The following KALRN variants were observed in gnomAD, a reference collection of about 807,000 sequenced individuals.
The protein encoded by KALRN is kalirin.
KALRN carries 70 observed loss-of-function variants against 353.7 expected under a neutral mutation model. The observed-to-expected ratio is 0.20, with a 90% CI of 0.16 to 0.24. KALRN has a LOEUF of 0.24. Among genes scored for constraint, KALRN ranks in the 10% least tolerant of loss-of-function variants. KALRN has a pLI of 1.00. For missense variants in KALRN, 2,791 were observed against 3,756.7 expected, an observed-to-expected ratio of 0.74 and a Z score of 6.72; for synonymous variants, 1,391 against 1,434.8, an observed-to-expected ratio of 0.97 and a Z score of 0.69.
intron 4 of KALRN, among the ~76,000 whole-genome samples, chr3:124,264,922 G>A (rs2073323367): frequency 6.6e-6 from 1 of 152,162 alleles, no homozygotes; most frequent in Admixed American, 6.5e-5. Context: ...TACTGTTGGT[G>A]GTTGTGTTAA....
intron 34 of KALRN, among the ~76,000 whole-genome samples, chr3:124,564,190 G>A (rs1263628439): frequency 1.7e-5 from 2 of 118,940 alleles, no homozygotes; most frequent in Non-Finnish European, 3.3e-5. Flanking sequence ...GGGCGACAGA[G>A]CGAAACTCCG....
At chr3:124,426,990 C>T (rs530117904) in intron 15 of KALRN, among the ~76,000 whole-genome samples, 9 of 152,188 alleles carry the variant, frequency 5.9e-5, no homozygotes, top group Admixed American at 3.3e-4. Context: ...TATTTGATTA[C>T]TAAAGACATT....
At chr3:124,234,213 G>A (rs776183825) in intron 2 of KALRN, among the ~76,000 whole-genome samples, 48 of 152,288 alleles carry the variant, frequency 3.2e-4, no homozygotes, top group Non-Finnish European at 6.0e-4. Context: ...AGATTCATGT[G>A]CTCCTCTAGC....
chr3:124,341,384 C>T (rs184153485), intron 9 of KALRN, among the ~76,000 whole-genome samples: 10 of 152,252 alleles, frequency 6.6e-5, no homozygotes, highest in African/African-American at 1.4e-4. Context: ...CACATATGCA[C>T]GTGGCAATTC....
At chr3:124,411,799 T>A (rs618952) in intron 13 of KALRN, among the ~76,000 whole-genome samples, 1 of 152,098 alleles carries the variant, frequency 6.6e-6, no homozygotes, top group African/African-American at 2.4e-5. Context: ...ACCCCTTTCT[T>A]GAGTTAGAGA....
chr3:124,376,116 T>C (rs960253959), intron 10 of KALRN, among the ~76,000 whole-genome samples: 2 of 152,176 alleles, frequency 1.3e-5, no homozygotes, highest in African/African-American at 4.8e-5. Flanking sequence ...TTATTACGTA[T>C]GTAAATGTGA....
At chr3:124,662,607 T>A (rs985121922) in intron 45 of KALRN, among the ~76,000 whole-genome samples, 1 of 152,126 alleles carries the variant, frequency 6.6e-6, no homozygotes, top group Non-Finnish European at 1.5e-5. Flanking sequence ...AAATGAATAG[T>A]TAAAACTCTA....
chr3:124,700,055 G>GC lies in KALRN; in HGVS notation c.7996+28dup, dbSNP rs1016628769. ...TATGGTGAGTCCCAGCCCAGCCCTG[G>GC]CCCCCCAGGCAGTGGGATTGAGGCA... On this transcript the variant is annotated intron_variant, in intron 56 of 59. Coordinates refer to ENST00000682506, the MANE Select transcript of KALRN (RefSeq NM_001388419.1). 7 of 1,611,222 alleles carry GC rather than the reference G, an allele frequency of 4.3e-6. No individual in the cohort carries two copies. In the African/African-American group the frequency reaches 8.0e-5, roughly 18 times the overall value.
intron 14 of KALRN, among the ~76,000 whole-genome samples, chr3:124,419,787 C>G (rs1217932688): frequency 6.6e-6 from 1 of 152,150 alleles, no homozygotes; most frequent in Non-Finnish European, 1.5e-5. Context: ...TAAAAAAGAG[C>G]CTGACAAATG....
intron 33 of KALRN, among the ~76,000 whole-genome samples, chr3:124,502,923 G>A (rs2064774198): frequency 6.6e-6 from 1 of 152,156 alleles, no homozygotes; most frequent in Non-Finnish European, 1.5e-5. Context: ...CATCACGATG[G>A]TCCATCCAAG....
chr3:124,194,724 C>G (rs1295140174), intron 1 of KALRN, among the ~76,000 whole-genome samples: 1 of 152,094 alleles, frequency 6.6e-6, no homozygotes, highest in East Asian at 1.9e-4. Flanking sequence ...GCAGCTCAAC[C>G]CAAGGGCACT....
intron 3 of KALRN, among the ~76,000 whole-genome samples, chr3:124,235,577 A>C (rs1348164233): frequency 2.0e-5 from 3 of 152,122 alleles, no homozygotes; most frequent in Non-Finnish European, 2.9e-5. Context: ...CCTGAGGAGC[A>C]ATCTAGGCAG....
At chr3:124,553,301 G>A (rs1390080165) in intron 33 of KALRN, among the ~76,000 whole-genome samples, 4 of 152,158 alleles carry the variant, frequency 2.6e-5, no homozygotes, top group Non-Finnish European at 5.9e-5. Flanking sequence ...TAATTAACTT[G>A]CTCCAGATGA....
At chr3:124,053,188 C>G (rs931531460) in intron 1 of KALRN, among the ~76,000 whole-genome samples, 4 of 152,024 alleles carry the variant, frequency 2.6e-5, no homozygotes, top group African/African-American at 9.7e-5. Context: ...AGGCATATGC[C>G]CACCTCTGGA....
At chr3:124,383,137 A>G (rs1454255220) in intron 10 of KALRN, among the ~76,000 whole-genome samples, 1 of 152,142 alleles carries the variant, frequency 6.6e-6, no homozygotes, top group Non-Finnish European at 1.5e-5. Context: ...TACCTTGGGA[A>G]GTTGCTTTTC....
chr3:124,264,687 T>C lies in KALRN; in HGVS notation c.453T>C (p.Phe151=), dbSNP rs750195399. 138 of 1,613,868 alleles carry C rather than the reference T, an allele frequency of 8.6e-5. No homozygotes were observed. Among genetic ancestry groups the C allele is most frequent in the Non-Finnish European group, 1.1e-4 (132 of 1,179,824 alleles). ...ACTTTGGCAGCTCCAAATTCATCTT[T>C]GAGGTGAGCCAGATTTCTCTCTCTT... is the stretch of plus-strand genomic sequence containing the variant. ...KTNFGSSKFI[F]ETSMVSVEGL... Residue 151 remains phenylalanine (F), a synonymous_variant, in exon 4 of 60, where the codon TTT becomes TTC. Coordinates refer to ENST00000682506, the MANE Select transcript of KALRN (RefSeq NM_001388419.1).
At chr3:124,073,255 C>T (rs1035491571) in intron 1 of KALRN, among the ~76,000 whole-genome samples, 1 of 152,210 alleles carries the variant, frequency 6.6e-6, no homozygotes, top group African/African-American at 2.4e-5. Context: ...AGAGTACACA[C>T]CCTTTACCTT....
intron 34 of KALRN, among the ~76,000 whole-genome samples, chr3:124,589,956 C>A (rs574210429): frequency 6.6e-6 from 1 of 152,116 alleles, no homozygotes; most frequent in Non-Finnish European, 1.5e-5. Context: ...TATGCTTTTG[C>A]GATATGTCTC....
intron 51 of KALRN, among the ~76,000 whole-genome samples, chr3:124,683,009 C>T (rs983220211): frequency 3.9e-5 from 6 of 151,908 alleles, no homozygotes; most frequent in African/African-American, 1.5e-4. Flanking sequence ...TCATGGAGAA[C>T]TGTTCTAAAG....
Sources: allele counts gnomAD v4.1 joint callset (sites outside exome capture counted in the v4.1 genomes callset), GRCh38; gene constraint gnomAD v4.1.1; transcripts MANE v1.5; gene names NCBI Gene and HGNC (gene_info 2026-07-23, HGNC 2026-07-21).